Variants in ENAH observed in about 807,000 individuals in gnomAD.
ENAH encodes ENAH actin regulator.
Under a neutral mutation model 78.7 loss-of-function variants are expected in ENAH, and 23 were observed. The observed-to-expected ratio is 0.29, with a 90% CI of 0.21 to 0.41. The LOEUF (loss-of-function observed/expected upper bound fraction) is 0.41. ENAH is among the 10% of genes least tolerant of loss of function. The pLI is 1.00. For synonymous variants in ENAH, 226 were observed against 241.0 expected, an observed-to-expected ratio of 0.94 and a Z score of 0.58; for missense variants, 544 against 691.0, an observed-to-expected ratio of 0.79 and a Z score of 2.39.
At chr1:225,522,888 G>A (rs944838083) in intron 4 of ENAH, among the ~76,000 whole-genome samples, 1 of 151,778 alleles carries the variant, frequency 6.6e-6, no homozygotes, top group Admixed American at 6.6e-5. Context: ...AAAGATCTAA[G>A]TTTTTAGATC....
chr1:225,503,658 CAA>C lies in ENAH; in HGVS notation c.1539-2590_1539-2589del, dbSNP rs10683254. 1.4e-3 allele frequency among the ~76,000 whole-genome samples: 112 copies of C among 82,948 alleles called. 1 individual carries two copies. The highest frequency in any genetic ancestry group is 5.6e-3 in the African/African-American group (110 of 19,580). The allele number at this position is 82,948 out of a possible 152,430, so 54.4% of individuals were successfully genotyped here. A position where few individuals can be genotyped will look rare whatever the true frequency, so the allele number is the denominator to read the frequency against. ...ATCTTTTGGCCAAAACAAACCACCTCAAAAAAAAAAAAAAAAAAAACACAAAA... is the reference window on the plus strand; with the variant it reads ...ATCTTTTGGCCAAAACAAACCACCTCAAAAAAAAAAAAAAAAAACACAAAA... On this transcript the variant is annotated intron_variant, in intron 11 of 13. Coordinates refer to ENST00000366843, the MANE Select transcript of ENAH (RefSeq NM_018212.6).
chr1:225,581,310 T>C lies in ENAH; in HGVS notation c.6-13896A>G, dbSNP rs1332250775. On this transcript the variant is annotated intron_variant, in intron 1 of 13. Transcript: ENST00000366843. ...TTTCATGAAGTTATATGGCAAAGCC[T>C]CTCAAAATACTTTCCAAGCACCGTA... is the stretch of plus-strand genomic sequence containing the variant. 5.1e-6 allele frequency: 5 copies of C among 984,420 alleles called. No individual in the cohort carries two copies. The African/African-American group carries it at 8.7e-5, about 17-fold the overall frequency. 61.0% of individuals were successfully genotyped at this position (984,420 alleles called of 1,614,324 possible).
chr1:225,591,675 G>A (rs2147889833), intron 1 of ENAH, among the ~76,000 whole-genome samples: 1 of 141,304 alleles, frequency 7.1e-6, no homozygotes, highest in African/African-American at 2.7e-5. Flanking sequence ...TGAGGCAGGA[G>A]AACTGCCTGA....
intron 11 of ENAH, among the ~76,000 whole-genome samples, chr1:225,506,991 T>C (rs2096336783): frequency 6.6e-6 from 1 of 152,128 alleles, no homozygotes; most frequent in Non-Finnish European, 1.5e-5. Context: ...ATACATACTT[T>C]TTTTTTTTCT....
intron 3 of ENAH, among the ~76,000 whole-genome samples, chr1:225,551,906 A>G (rs1198864583): frequency 6.6e-6 from 1 of 152,138 alleles, no homozygotes; most frequent in Non-Finnish European, 1.5e-5. Flanking sequence ...AGCTTTTTCA[A>G]CTTGGTTTTG....
At chr1:225,520,927 AGGGAGGGAGGGAGGGAG>A (rs2096462482) in intron 4 of ENAH, among the ~76,000 whole-genome samples, 1 of 368 alleles carries the variant, frequency 2.7e-3, no homozygotes, top group Admixed American at 0.023. Flanking sequence ...GGAGGAAGGG[AGGGAGGGAGGGAGGGAG>A]GGAGGGAGGG....
chr1:225,643,276 A>G (rs1463952555), intron 1 of ENAH, among the ~76,000 whole-genome samples: 3 of 152,182 alleles, frequency 2.0e-5, no homozygotes, highest in African/African-American at 7.2e-5. Context: ...AGGAAACACT[A>G]ATAGTTCAGG....
Position 225,500,855 on chromosome 1 carries a change from G to A in ENAH, c.1617+137C>T, listed in dbSNP as rs540236035. ...TTTGCAAAAATGCAGTACTACTAAT[G>A]CCACTGTTTAATTTGTATAACAATA... On this transcript the variant is annotated intron_variant, in intron 12 of 13. Coordinates refer to ENST00000366843, the MANE Select transcript of ENAH (RefSeq NM_018212.6). The A allele has an allele frequency of 5.7e-4, 451 of 792,086 alleles. 5 individuals are homozygous for A. The South Asian group carries it at 8.5e-3, about 15-fold the overall frequency. The allele number at this position is 792,086 out of a possible 1,614,324, so 49.1% of individuals were successfully genotyped here. A position where few individuals can be genotyped will look rare whatever the true frequency, so the allele number is the denominator to read the frequency against.
rs186737318 is a variant in ENAH, at chr1:225,599,574, G to A, written c.6-32160C>T. Reference sequence around the variant, plus strand: ...TAATCCTTGCACTTTGGGAGGCTGCGGTGGGGAGATCACCTGAGGTCAGGA... The same window carrying A: ...TAATCCTTGCACTTTGGGAGGCTGCAGTGGGGAGATCACCTGAGGTCAGGA... On this transcript the variant is annotated intron_variant, in intron 1 of 13. Coordinates refer to ENST00000366843, the MANE Select transcript of ENAH (RefSeq NM_018212.6). Among the ~76,000 whole-genome samples the A allele has an allele frequency of 1.5e-3, 229 of 152,050 alleles. 1 individual carries two copies. The highest frequency in any genetic ancestry group is 5.1e-3 in the African/African-American group (210 of 41,482).
At chr1:225,615,066 C>G (rs991722435) in intron 1 of ENAH, among the ~76,000 whole-genome samples, 1 of 147,264 alleles carries the variant, frequency 6.8e-6, no homozygotes, top group African/African-American at 2.6e-5. Flanking sequence ...CTCTCCCTCT[C>G]TCTCCACGGT....
chr1:225,495,992 A>T lies in ENAH; in HGVS notation c.*1783T>A, dbSNP rs531660089. On this transcript the variant is annotated 3_prime_UTR_variant, in exon 14 of 14. Transcript: ENST00000366843. The stretch of plus-strand genomic sequence containing the variant: ...AAGGCTGCAAATTTGCAGCGTTTAG[A>T]AAACTACACTATCAACAAGCTTTGC... 5.9e-5 allele frequency: 9 copies of T among 152,748 alleles called. No individual in the cohort carries two copies. The highest frequency in any genetic ancestry group is 5.9e-4 in the Admixed American group (9 of 15,306). 9.5% of individuals were successfully genotyped at this position (152,748 alleles called of 1,614,324 possible).
chr1:225,573,287 T>C (rs2096772713), intron 1 of ENAH, among the ~76,000 whole-genome samples: 1 of 152,224 alleles, frequency 6.6e-6, no homozygotes, highest in Non-Finnish European at 1.5e-5. Context: ...AAATGCTTTT[T>C]CAGCACTTAC....
chr1:225,587,165 T>G (rs945524228), intron 1 of ENAH, among the ~76,000 whole-genome samples: 1 of 152,132 alleles, frequency 6.6e-6, no homozygotes, highest in Non-Finnish European at 1.5e-5. Context: ...CTATTCAACA[T>G]TGTATTGGTG....
intron 2 of ENAH, among the ~76,000 whole-genome samples, chr1:225,559,349 C>T (rs1490185228): frequency 6.6e-6 from 1 of 152,150 alleles, no homozygotes; most frequent in Non-Finnish European, 1.5e-5. Context: ...AGCATATATA[C>T]AATTTTGAAA....
chr1:225,623,587 GTTTT>G (rs10600222), intron 1 of ENAH, among the ~76,000 whole-genome samples: 6 of 137,576 alleles, frequency 4.4e-5, no homozygotes, highest in Non-Finnish European at 3.1e-5. Context: ...TTTTTGTTGG[GTTTT>G]TTTTTTTTTT....
intron 1 of ENAH, among the ~76,000 whole-genome samples, chr1:225,624,263 C>A (rs1205528566): frequency 6.6e-6 from 1 of 151,854 alleles, no homozygotes; most frequent in African/African-American, 2.4e-5. Flanking sequence ...CACAGCAAGA[C>A]CCTGTCTTTA....
At chr1:225,524,445 A>T (rs2096490552) in intron 4 of ENAH, among the ~76,000 whole-genome samples, 2 of 152,234 alleles carry the variant, frequency 1.3e-5, no homozygotes, top group South Asian at 2.1e-4. Context: ...TATTATTGAC[A>T]TTTCTCAGAA....
In ENAH at chr1:225,488,385, CA is replaced by C. The variant is rs928022382; in HGVS notation, c.*9389del. 21 of 152,288 alleles carry C rather than the reference CA, an allele frequency of 1.4e-4. No individual in the cohort carries two copies. The highest frequency in any genetic ancestry group is 5.1e-4 in the African/African-American group (21 of 41,560). 9.4% of individuals were successfully genotyped at this position (152,288 alleles called of 1,614,324 possible). A position where few individuals can be genotyped will look rare whatever the true frequency, so the allele number is the denominator to read the frequency against. On this transcript the variant is annotated 3_prime_UTR_variant, in exon 14 of 14. Transcript: ENST00000366843. Reference sequence around the variant, plus strand: ...AAGCTTCCAATGAGAACTCAGAAGGCATTCACTCTGCCTGAAGTTGTGCTCT... The same window carrying C: ...AAGCTTCCAATGAGAACTCAGAAGGCTTCACTCTGCCTGAAGTTGTGCTCT...
intron 1 of ENAH, among the ~76,000 whole-genome samples, chr1:225,593,418 T>TGGGGGGGGGGGGGGGGG (rs2096887708): frequency 2.4e-5 from 1 of 41,910 alleles, no homozygotes; most frequent in African/African-American, 8.6e-5. Context: ...GGGGGGGGGG[T>TGGGGGGGGGGGGGGGGG]GGGGGGTGCC....
Sources: gnomAD v4.1 joint callset for allele counts (sites outside exome capture counted in the v4.1 genomes callset) on GRCh38, gnomAD v4.1.1 for gene constraint, MANE v1.5 for transcripts, NCBI Gene and HGNC (gene_info 2026-07-23, HGNC 2026-07-21) for gene names.